The following COL4A4 variants were observed in gnomAD, a reference collection of about 807,000 sequenced individuals.
The protein encoded by COL4A4 is collagen type IV alpha 4 chain.
In COL4A4, 105 loss-of-function variants were observed where a neutral mutation model predicts 192.9. The observed-to-expected ratio is 0.54, with a 90% CI of 0.46 to 0.64. The LOEUF (loss-of-function observed/expected upper bound fraction) is 0.64, where lower values mean the gene tolerates loss of function less well. Among genes scored for constraint, COL4A4 ranks in the 30% least tolerant of loss-of-function variants. The probability of loss-of-function intolerance (pLI) is 0.00; values close to 1 mark genes in which losing one functional copy is unlikely to be tolerated. For missense variants in COL4A4, 1,967 were observed against 2,169.3 expected, an observed-to-expected ratio of 0.91 and a Z score of 1.85; for synonymous variants, 762 against 769.9, an observed-to-expected ratio of 0.99 and a Z score of 0.17.
chr2:226,988,483 G>A, the COL4A4 span: 4 of 1,542,684 alleles, frequency 2.6e-6, no homozygotes, highest in African/African-American at 1.4e-5. Flanking sequence ...CTGTAGTGGA[G>A]TTGAGCAAAG....
At chr2:227,149,526 TA>T (rs1469323595) in intron 1 of COL4A4, among the ~76,000 whole-genome samples, 3 of 152,024 alleles carry the variant, frequency 2.0e-5, no homozygotes, top group Non-Finnish European at 4.4e-5. Flanking sequence ...AACAACAAAA[TA>T]AGGCAGGTTG....
chr2:227,041,784 AAGGG>A (rs1250258056), intron 37 of COL4A4, among the ~76,000 whole-genome samples: 2 of 52,368 alleles, frequency 3.8e-5, no homozygotes, highest in African/African-American at 7.2e-5. Context: ...GGAAGGAAGG[AAGGG>A]AAAGAAAGAA....
chr2:227,042,266 C>A lies in COL4A4; in HGVS notation c.3398-11G>T. 1.9e-6 allele frequency: 3 copies of A among 1,564,276 alleles called. No homozygotes were observed. The highest frequency in any genetic ancestry group is 2.6e-6 in the Non-Finnish European group (3 of 1,134,690). On this transcript the variant is annotated splice_polypyrimidine_tract_variant and intron_variant, in intron 36 of 47. Coordinates refer to ENST00000396625, the MANE Select transcript of COL4A4 (RefSeq NM_000092.5). ...GCATCCCGTGATCACCTGAGGATGACAGGGAAGTTTTGCAGATGGCCAGAT... is the reference window on the plus strand; with the variant it reads ...GCATCCCGTGATCACCTGAGGATGAAAGGGAAGTTTTGCAGATGGCCAGAT...
At chr2:227,099,062 A>G (rs1180965042) in intron 18 of COL4A4, among the ~76,000 whole-genome samples, 1 of 151,994 alleles carries the variant, frequency 6.6e-6, no homozygotes, top group Admixed American at 6.6e-5. Flanking sequence ...TTAGTCAAAT[A>G]GTTCTGTTTT....
chr2:227,012,310 T>G lies in COL4A4; in HGVS notation c.4217-13A>C. 6.2e-7 allele frequency: 1 copy of G among 1,604,768 alleles called. No homozygotes were observed. Among genetic ancestry groups the G allele is most frequent in the Non-Finnish European group, 8.5e-7 (1 of 1,171,622 alleles). Reference sequence around the variant, plus strand: ...TCTCCTTTGCACCCTGCACAAAAGTTTATGATGCTGGTGGTGAAAGCAACC... The same window carrying G: ...TCTCCTTTGCACCCTGCACAAAAGTGTATGATGCTGGTGGTGAAAGCAACC... On this transcript the variant is annotated splice_polypyrimidine_tract_variant and intron_variant, in intron 44 of 47. Transcript: ENST00000396625.
At chr2:226,983,086 G>A in the COL4A4 span, among the ~76,000 whole-genome samples, 2 of 152,182 alleles carry the variant, frequency 1.3e-5, no homozygotes, top group East Asian at 3.9e-4. Flanking sequence ...AATGGTCAAA[G>A]GCAAACATAA....
At position 227,089,914 on chromosome 2, in the gene COL4A4, T is replaced by A. The variant is rs1178918119; in HGVS notation, c.1413A>T (p.Lys471Asn). Reference protein sequence around the residue: ...SVGNPGPQGIKGKVGPPGGRG... With the variant: ...SVGNPGPQGINGKVGPPGGRG... ...TTCCTCCTGGGGGACCAACTTTGCCTTTTATTCCTTGTGGTCCGGGGTTCC... is the reference window on the plus strand; with the variant it reads ...TTCCTCCTGGGGGACCAACTTTGCCATTTATTCCTTGTGGTCCGGGGTTCC... Residue 471 changes from lysine (K) to asparagine (N), a missense_variant, in exon 21 of 48, where the codon AAA becomes AAT. Physicochemically the swap from Lys to Asn is moderately conservative, Grantham distance 94. Transcript: ENST00000396625. The A allele has an allele frequency of 1.9e-6, 3 of 1,613,426 alleles. No homozygotes were observed. In the African/African-American group the frequency reaches 4.0e-5, roughly 22 times the overall value.
At chr2:227,041,887 AAAG>A (rs1971461631) in intron 37 of COL4A4, among the ~76,000 whole-genome samples, 1 of 146,462 alleles carries the variant, frequency 6.8e-6, no homozygotes, top group Admixed American at 6.7e-5. Context: ...AGAAAGAAAG[AAAG>A]AAAGAAAGAA....
chr2:227,008,024 G>T lies in COL4A4; in HGVS notation c.4803C>A (p.Phe1601Leu). ...TWRSLWIGYS[F>L]LMHTGAGDQG... Reference sequence around the variant, plus strand: ...TCAAGGGCACGGGACTCACCATCAGGAATGAATACCCGATCCAGAGGCTCC... The same window carrying T: ...TCAAGGGCACGGGACTCACCATCAGTAATGAATACCCGATCCAGAGGCTCC... The change falls in exon 47 of 48, where the codon TTC (phenylalanine) becomes TTA (leucine). Residue 1601 changes from phenylalanine to leucine, a missense_variant. Transcript: ENST00000396625. 6.2e-7 allele frequency: 1 copy of T among 1,610,920 alleles called. No homozygotes were observed. Among genetic ancestry groups the T allele is most frequent in the African/African-American group, 1.3e-5 (1 of 75,056 alleles).
At chr2:227,082,413 G>T (rs2059372762) in intron 22 of COL4A4, among the ~76,000 whole-genome samples, 1 of 152,132 alleles carries the variant, frequency 6.6e-6, no homozygotes, top group Non-Finnish European at 1.5e-5. Flanking sequence ...ATCTGAATAA[G>T]GTCTGTACCT....
At chr2:226,997,591 T>G in the COL4A4 span, 1 of 152,232 alleles carries the variant, frequency 6.6e-6, no homozygotes, top group East Asian at 1.9e-4. Context: ...TCCATTGTAT[T>G]AAGAGTCCAG....
intron 27 of COL4A4, 23 bp downstream of exon 27, chr2:227,060,113 A>AAAAAAG: frequency 7.9e-7 from 1 of 1,269,950 alleles, no homozygotes; most frequent in Non-Finnish European, 1.1e-6. Flanking sequence ...AAAAAAAAAA[A>AAAAAAG]AAAAAAAAAA....
At position 227,136,572 on chromosome 2, in the gene COL4A4, C is replaced by T. The variant is rs1337442157; in HGVS notation, c.192+3589G>A. ...GGGCTGGACTTCATTCTGTAGACAT[C>T]AAAGGAGGCCCCCCTTGATTCTCCA... On this transcript the variant is annotated intron_variant, in intron 4 of 47. Transcript: ENST00000396625. Among the ~76,000 whole-genome samples the T allele has an allele frequency of 5.3e-5, 8 of 152,274 alleles. No homozygotes were observed. The East Asian group carries it at 1.5e-3, about 29-fold the overall frequency.
intron 44 of COL4A4, among the ~76,000 whole-genome samples, chr2:227,017,991 T>C (rs1965267052): frequency 6.6e-6 from 1 of 152,226 alleles, no homozygotes; most frequent in Admixed American, 6.5e-5. Context: ...AAGAGAAGAT[T>C]CTGAAGGGAA....
intron 40 of COL4A4, among the ~76,000 whole-genome samples, chr2:227,031,402 G>T (rs1968373640): frequency 6.6e-6 from 1 of 152,130 alleles, no homozygotes; most frequent in South Asian, 2.1e-4. Flanking sequence ...TCCCAACCCA[G>T]CTCTAGCCTA....
chr2:227,025,458 G>T (rs951456242), intron 43 of COL4A4, among the ~76,000 whole-genome samples: 1 of 152,092 alleles, frequency 6.6e-6, no homozygotes, highest in African/African-American at 2.4e-5. Flanking sequence ...GGATGCTCTA[G>T]GTATTTATAT....
At position 227,038,223 on chromosome 2, in the gene COL4A4, C is replaced by T. The variant is rs151264208; in HGVS notation, c.3505+3925G>A. On this transcript the variant is annotated intron_variant, in intron 37 of 47. Coordinates refer to ENST00000396625, the MANE Select transcript of COL4A4 (RefSeq NM_000092.5). ...AGGTCTTATGTTTAAGTGTTTAATC[C>T]GTCTTGAGTTAATTTTTGTATAAGG... 6.5e-3 allele frequency among the ~76,000 whole-genome samples: 984 copies of T among 152,172 alleles called. 10 individuals are homozygous for T. The highest frequency in any genetic ancestry group is 0.022 in the African/African-American group (905 of 41,488).
At chr2:227,137,228 G>T (rs998309957) in intron 4 of COL4A4, among the ~76,000 whole-genome samples, 1 of 152,180 alleles carries the variant, frequency 6.6e-6, no homozygotes, top group African/African-American at 2.4e-5. Context: ...CCTTGCGCTT[G>T]TTTAACAGCC....
intron 46 of COL4A4, 23 bp downstream of exon 46, chr2:227,010,290 G>A (rs1963366591): frequency 6.2e-7 from 1 of 1,613,900 alleles, no homozygotes; most frequent in Non-Finnish European, 8.5e-7. Flanking sequence ...AGGCAATGGA[G>A]ATGGGCGATC....
Sources: gnomAD v4.1 joint callset for allele counts (sites outside exome capture counted in the v4.1 genomes callset) on GRCh38, gnomAD v4.1.1 for gene constraint, MANE v1.5 for transcripts, NCBI Gene and HGNC (gene_info 2026-07-23, HGNC 2026-07-21) for gene names.